The following SV2C variants were observed in gnomAD, a reference collection of about 807,000 sequenced individuals.
The protein encoded by SV2C is solute carrier family 22 member B3.
In SV2C, 49 loss-of-function variants were observed where a neutral mutation model predicts 79.7. The ratio of observed to expected loss-of-function variants is 0.61; its 90% CI spans 0.49 to 0.78. The LOEUF is 0.78. Among genes scored for constraint, SV2C ranks in the 30% least tolerant of loss-of-function variants. SV2C has a pLI of 0.00. For synonymous variants in SV2C, 334 were observed against 333.2 expected (o/e 1.00, Z -0.03); for missense variants, 833 against 912.9 (o/e 0.91, Z 1.13).
intron 4 of SV2C, among the ~76,000 whole-genome samples, chr5:76,231,415 A>C (rs1213192081): frequency 2.6e-5 from 4 of 151,484 alleles, no homozygotes; most frequent in African/African-American, 9.8e-5. Context: ...GGCTTGCTGC[A>C]GCTCATGGCT....
At chr5:75,929,410 C>A in the SV2C span, among the ~76,000 whole-genome samples, 3 of 151,784 alleles carry the variant, frequency 2.0e-5, no homozygotes, top group Non-Finnish European at 4.4e-5. Flanking sequence ...GGGGAAGCTG[C>A]GGCATCTGCT....
intron 2 of SV2C, among the ~76,000 whole-genome samples, chr5:76,176,607 TAAAAC>T (rs1743537346): frequency 6.6e-6 from 1 of 152,160 alleles, no homozygotes. Flanking sequence ...ATCTATTCAT[TAAAAC>T]AAAACAAAAG....
chr5:76,353,602 C>T (rs1749684019), exon 13 of SV2C: 1 of 152,584 alleles, frequency 6.6e-6, no homozygotes, highest in South Asian at 2.1e-4. Context: ...TTCTGAAAAC[C>T]TCCTTGTATT....
At chr5:76,042,267 G>A in the SV2C span, among the ~76,000 whole-genome samples, 2 of 152,190 alleles carry the variant, frequency 1.3e-5, no homozygotes, top group Admixed American at 6.5e-5. Flanking sequence ...CTAAACTTGA[G>A]TTTGAAACCT....
At chr5:76,086,338 A>G (rs1747196048) in intron 1 of SV2C, among the ~76,000 whole-genome samples, 1 of 152,238 alleles carries the variant, frequency 6.6e-6, no homozygotes, top group Admixed American at 6.5e-5. Flanking sequence ...AGCAAACTTG[A>G]TGACATATTG....
At chr5:76,242,100 C>A in intron 4 of SV2C, 2 of 1,452,244 alleles carry the variant, frequency 1.4e-6, no homozygotes, top group South Asian at 1.1e-5. Context: ...AGGGTTATTT[C>A]CCTCCTTGCC....
At chr5:75,978,114 A>G in the SV2C span, among the ~76,000 whole-genome samples, 182 of 152,322 alleles carry the variant, frequency 1.2e-3, no homozygotes, top group African/African-American at 4.2e-3. Flanking sequence ...GCTCTTGCCA[A>G]GGTCACCAAT....
chr5:76,130,876 G>C (rs181676351), intron 1 of SV2C, among the ~76,000 whole-genome samples: 5 of 152,190 alleles, frequency 3.3e-5, no homozygotes. Flanking sequence ...TAGAAGTGGG[G>C]TTGTGAAGGG....
intron 2 of SV2C, among the ~76,000 whole-genome samples, chr5:76,189,569 T>G (rs896843543): frequency 6.6e-6 from 1 of 152,198 alleles, no homozygotes; most frequent in African/African-American, 2.4e-5. Flanking sequence ...AATATAAATA[T>G]GTATGTAAAT....
At chr5:76,200,629 A>G (rs921884370) in intron 3 of SV2C, among the ~76,000 whole-genome samples, 20 of 152,056 alleles carry the variant, frequency 1.3e-4, no homozygotes, top group African/African-American at 4.3e-4. Flanking sequence ...GTTCTTTTTT[A>G]TTTTATTTTT....
intron 12 of SV2C, among the ~76,000 whole-genome samples, chr5:76,325,133 G>A (rs954219616): frequency 2.0e-5 from 3 of 152,172 alleles, no homozygotes; most frequent in Non-Finnish European, 4.4e-5. Context: ...GGACTTACAG[G>A]CAGAGTAAGA....
chr5:76,233,566 T>G (rs1427264885), intron 4 of SV2C, among the ~76,000 whole-genome samples: 47 of 147,318 alleles, frequency 3.2e-4, no homozygotes, highest in African/African-American at 1.2e-3. Context: ...GTATGATATT[T>G]GCTGTGGGTT....
chr5:76,115,863 C>G (rs980286640), intron 1 of SV2C, among the ~76,000 whole-genome samples: 1 of 152,206 alleles, frequency 6.6e-6, no homozygotes, highest in African/African-American at 2.4e-5. Context: ...TTCCTTGACC[C>G]CCTCTCCCTG....
chr5:75,992,149 T>C, the SV2C span, among the ~76,000 whole-genome samples: 1 of 152,006 alleles, frequency 6.6e-6, no homozygotes, highest in East Asian at 1.9e-4. Flanking sequence ...ATCCACGTCA[T>C]GGTCTATATA....
chr5:75,966,580 A>C, the SV2C span, among the ~76,000 whole-genome samples: 9 of 152,224 alleles, frequency 5.9e-5, no homozygotes, highest in Admixed American at 5.9e-4. Context: ...CCACCTCTTT[A>C]TTCTAGAGTT....
At chr5:76,035,818 G>A in the SV2C span, among the ~76,000 whole-genome samples, 4 of 151,992 alleles carry the variant, frequency 2.6e-5, no homozygotes, top group Admixed American at 6.5e-5. Flanking sequence ...TTTCTGTCTC[G>A]TTGATCTGTC....
chr5:76,304,170 C>A (rs996847894), intron 12 of SV2C, among the ~76,000 whole-genome samples: 1 of 152,238 alleles, frequency 6.6e-6, no homozygotes, highest in Admixed American at 6.5e-5. Flanking sequence ...CACGCTGTTG[C>A]TGGCAGACGC....
chr5:76,040,337 G>T, the SV2C span, among the ~76,000 whole-genome samples: 1 of 152,314 alleles, frequency 6.6e-6, no homozygotes, highest in South Asian at 2.1e-4. Flanking sequence ...CTGTTTAAAG[G>T]AACCACTCCA....
At chr5:75,896,686 A>G in the SV2C span, among the ~76,000 whole-genome samples, 5 of 151,466 alleles carry the variant, frequency 3.3e-5, no homozygotes, top group African/African-American at 1.2e-4. Context: ...TCCCACCAAC[A>G]GTGTAAAAGT....
Sources: gnomAD v4.1 joint callset for allele counts (sites outside exome capture counted in the v4.1 genomes callset) on GRCh38, gnomAD v4.1.1 for gene constraint, MANE v1.5 for transcripts, NCBI Gene and HGNC (gene_info 2026-07-23, HGNC 2026-07-21) for gene names.